GANC: variants seen among roughly 807,000 people sequenced by gnomAD.
The protein encoded by GANC is neutral alpha-glucosidase C.
Under a neutral mutation model 124.2 loss-of-function variants are expected in GANC, and 117 were observed. The observed-to-expected ratio is 0.94, with a 90% CI of 0.81 to 1.10. The LOEUF is 1.10. GANC is among the 50% of genes least tolerant of loss of function. The pLI is 0.00. For synonymous variants in GANC, 377 were observed against 376.8 expected, an observed-to-expected ratio of 1.00 and a Z score of -0.01; for missense variants, 1,140 against 1,095.0, an observed-to-expected ratio of 1.04 and a Z score of -0.58.
chr15:42,330,638 T>C lies in GANC; in HGVS notation c.1707T>C (p.Leu569=). The C allele has an allele frequency of 6.2e-7, 1 of 1,610,288 alleles. No homozygotes were observed. Among genetic ancestry groups the C allele is most frequent in the African/African-American group, 1.3e-5 (1 of 74,794 alleles). ...AAGGGAAGGAGAGACCCTTTGTTCT[T>C]ACACGTTCTTTCTTTGCTGGATCAC... ...RSKGKERPFV[L]TRSFFAGSQK... The change falls in exon 15 of 24, where the codon CTT becomes CTC. Residue 569 remains leucine, a synonymous_variant. Coordinates refer to ENST00000318010, the MANE Select transcript of GANC (RefSeq NM_198141.3).
chr15:42,331,402 G>A (rs1487319334), intron 15 of GANC, among the ~76,000 whole-genome samples: 4 of 151,262 alleles, frequency 2.6e-5, no homozygotes, highest in Non-Finnish European at 5.9e-5. Context: ...TGGCTGTTGC[G>A]TGTGGTCAGG....
Position 42,349,461 on chromosome 15 carries a change from A to T in GANC, c.2497A>T (p.Lys833Ter). 1 of 1,612,878 alleles carries T rather than the reference A, an allele frequency of 6.2e-7. No homozygotes were observed. The highest frequency in any genetic ancestry group is 1.1e-5 in the South Asian group (1 of 91,046). ...YLHQKQFLHR[K>*]FSFCSSVLIN... ...CCACCAGAAGCAATTTTTGCACAGG[A>T]AGTTTTCATTCTGTTCCAGTGTTCT... The change falls in exon 22 of 24, where the codon AAG becomes TAG. Residue 833 changes from lysine to a stop codon, truncating the protein, a stop_gained. Coordinates refer to ENST00000318010, the MANE Select transcript of GANC (RefSeq NM_198141.3). LOFTEE classifies it high-confidence loss of function.
chr15:42,293,123 C>T (rs1346541820), intron 5 of GANC, among the ~76,000 whole-genome samples: 2 of 152,204 alleles, frequency 1.3e-5, no homozygotes, highest in Non-Finnish European at 2.9e-5. Context: ...GTAAATGTTA[C>T]ACTCTTAACA....
At chr15:42,313,423 A>C (rs183717014) in intron 10 of GANC, among the ~76,000 whole-genome samples, 1 of 152,382 alleles carries the variant, frequency 6.6e-6, no homozygotes. Context: ...TGTGCATCAA[A>C]GAACATAAAG....
chr15:42,325,295 T>A (rs1295729455), intron 11 of GANC, among the ~76,000 whole-genome samples: 2 of 151,302 alleles, frequency 1.3e-5, no homozygotes, highest in Non-Finnish European at 3.0e-5. Context: ...AAAAAAAAAA[T>A]TTAAGAAAAT....
intron 3 of GANC, 141 bp downstream of exon 3, chr15:42,278,731 C>T (rs970755092): frequency 6.8e-6 from 4 of 583,964 alleles, no homozygotes; most frequent in African/African-American, 3.8e-5. Context: ...TAGTGGCTCA[C>T]GCCTGTAATC....
At chr15:42,293,532 T>TTTTTTTTTTTTTTTTTTTTTTTTTTTTTA (rs2051863596) in intron 5 of GANC, among the ~76,000 whole-genome samples, 1 of 151,908 alleles carries the variant, frequency 6.6e-6, no homozygotes, top group African/African-American at 2.4e-5. Context: ...TCATTTCTGT[T>TTTTTTTTTTTTTTTTTTTTTTTTTTTTTA]TTAAAATTTT....
intron 13 of GANC, 90 bp downstream of exon 13, chr15:42,327,532 G>T: frequency 9.5e-7 from 1 of 1,054,008 alleles, no homozygotes; most frequent in South Asian, 1.4e-5. Flanking sequence ...CTTTTTCATT[G>T]AGTAGCTTTT....
At chr15:42,284,146 C>A (rs984222775) in intron 3 of GANC, 5 of 610,124 alleles carry the variant, frequency 8.2e-6, no homozygotes, top group Middle Eastern at 4.0e-4. Context: ...CAAGATCAAC[C>A]TACCAAGGAA....
intron 3 of GANC, among the ~76,000 whole-genome samples, chr15:42,286,976 C>A (rs8031056): frequency 2.0e-5 from 3 of 152,182 alleles, no homozygotes; most frequent in Non-Finnish European, 4.4e-5. Flanking sequence ...CATTTTGTAG[C>A]CTGAGTCCTG....
At chr15:42,344,498 T>A (rs2052348915) in intron 19 of GANC, among the ~76,000 whole-genome samples, 1 of 152,214 alleles carries the variant, frequency 6.6e-6, no homozygotes, top group South Asian at 2.1e-4. Context: ...GATCTTTAAC[T>A]TAATCAAACC....
chr15:42,292,604 T>G, intron 4 of GANC, 131 bp from the exon 5 acceptor site: 1 of 848,448 alleles, frequency 1.2e-6, no homozygotes, highest in Non-Finnish European at 1.8e-6. Flanking sequence ...TCATTAACTT[T>G]TCTCTGTTGC....
At chr15:42,344,669 T>G (rs1176537554) in intron 19 of GANC, 1 of 152,222 alleles carries the variant, frequency 6.6e-6, no homozygotes, top group Non-Finnish European at 1.5e-5. Flanking sequence ...TCTCTTGGTT[T>G]CTCCAGTTAT....
At chr15:42,292,647 T>G in intron 4 of GANC, 88 bp from the exon 5 acceptor site, 1 of 1,273,848 alleles carries the variant, frequency 7.9e-7, no homozygotes, top group Non-Finnish European at 1.1e-6. Context: ...GAATATTGAT[T>G]TACTAATTAA....
chr15:42,308,319 G>A lies in GANC; in HGVS notation c.722+1G>A, dbSNP rs774955956. On this transcript the variant is annotated splice_donor_variant, in intron 8 of 23. Coordinates refer to ENST00000318010, the MANE Select transcript of GANC (RefSeq NM_198141.3). LOFTEE classifies it high-confidence loss of function. Reference sequence around the variant, plus strand: ...AATCACACCAACTTAAAAATACTGGGTAAGTGAAAACAAGAATTCTTATGG... The same window carrying A: ...AATCACACCAACTTAAAAATACTGGATAAGTGAAAACAAGAATTCTTATGG... 26 of 1,584,280 alleles carry A rather than the reference G, an allele frequency of 1.6e-5. No individual in the cohort carries two copies. The highest frequency in any genetic ancestry group is 6.7e-5 in the East Asian group (3 of 44,518).
chr15:42,312,225 A>G (rs2052057393), intron 10 of GANC, among the ~76,000 whole-genome samples: 1 of 152,228 alleles, frequency 6.6e-6, no homozygotes, highest in Admixed American at 6.5e-5. Context: ...CCTTAAAAAG[A>G]GAAACAAAGT....
At position 42,274,471 on chromosome 15, in the gene GANC, ACAGAGAAG is replaced by A; in HGVS notation, c.-9_-2del. ...TGAGAGCTGGGAGCTGGTCGGAGTG[ACAGAGAAG>A]CCATGGAAGCAGCAGTGAAAGAGGA... is the stretch of plus-strand genomic sequence containing the variant. On this transcript the variant is annotated 5_prime_UTR_variant, in exon 1 of 24. Coordinates refer to ENST00000318010, the MANE Select transcript of GANC (RefSeq NM_198141.3). The A allele has an allele frequency of 6.2e-7, 1 of 1,610,412 alleles. No individual in the cohort carries two copies. The highest frequency in any genetic ancestry group is 1.1e-5 in the South Asian group (1 of 89,924).
chr15:42,310,302 C>G lies in GANC; in HGVS notation c.742C>G (p.Leu248Val). ...KNTGDGDAYR[L>V]YNLDVYGYQI... ...TTTCAGTGATGGAGATGCTTACCGT[C>G]TTTATAACCTGGATGTCTATGGATA... is the stretch of plus-strand genomic sequence containing the variant. The change falls in exon 9 of 24, where the codon CTT (leucine) becomes GTT (valine). Residue 248 changes from leucine (L) to valine (V), a missense_variant. Leu to Val is a conservative substitution (Grantham distance 32). Transcript: ENST00000318010. 6.2e-7 allele frequency: 1 copy of G among 1,604,224 alleles called. No homozygotes were observed. Among genetic ancestry groups the G allele is most frequent in the South Asian group, 1.1e-5 (1 of 89,602 alleles).
intron 4 of GANC, among the ~76,000 whole-genome samples, chr15:42,291,024 C>A (rs1356875821): frequency 6.6e-6 from 1 of 151,958 alleles, no homozygotes; most frequent in Non-Finnish European, 1.5e-5. Context: ...TTCTCCTGTG[C>A]CCGACCCCTA....
Sources: gnomAD v4.1 joint callset for allele counts (sites outside exome capture counted in the v4.1 genomes callset) on GRCh38, gnomAD v4.1.1 for gene constraint, MANE v1.5 for transcripts, NCBI Gene and HGNC (gene_info 2026-07-23, HGNC 2026-07-21) for gene names.